The following CDH12 variants were observed in gnomAD, a reference collection of about 807,000 sequenced individuals.
CDH12 encodes cadherin-12.
Under a neutral mutation model 74.1 loss-of-function variants are expected in CDH12, and 41 were observed. The ratio of observed to expected loss-of-function variants is 0.55; its 90% CI spans 0.43 to 0.72. The LOEUF (loss-of-function observed/expected upper bound fraction) is 0.72, where lower values mean the gene tolerates loss of function less well. CDH12 is among the 30% of genes least tolerant of loss of function. CDH12 has a pLI of 0.00. For synonymous variants in CDH12, 399 were observed against 355.0 expected, an observed-to-expected ratio of 1.12 and a Z score of -1.39; for missense variants, 945 against 977.2, an observed-to-expected ratio of 0.97 and a Z score of 0.44.
intron 2 of CDH12, among the ~76,000 whole-genome samples, chr5:22,440,115 C>G (rs1744565390): frequency 6.6e-6 from 1 of 151,934 alleles, no homozygotes; most frequent in Non-Finnish European, 1.5e-5. Flanking sequence ...AGATGTGGTT[C>G]TTAACAATAA....
At chr5:22,184,399 G>A (rs939652060) in intron 4 of CDH12, among the ~76,000 whole-genome samples, 5 of 152,072 alleles carry the variant, frequency 3.3e-5, no homozygotes, top group African/African-American at 1.2e-4. Flanking sequence ...TTTCCCCTGA[G>A]GCAAAGTTAA....
chr5:21,792,302 C>T lies in CDH12; in HGVS notation c.1257-8808G>A, dbSNP rs988618462. 2.0e-5 allele frequency among the ~76,000 whole-genome samples: 3 copies of T among 151,844 alleles called. No homozygotes were observed. In the East Asian group the frequency reaches 5.8e-4, roughly 29 times the overall value. ...AGTTCCTACTTTCCTATCAATTTCTCTTTTTTCTTATCTTCCTCCTCATTT... is the reference window on the plus strand; with the variant it reads ...AGTTCCTACTTTCCTATCAATTTCTTTTTTTTCTTATCTTCCTCCTCATTT... On this transcript the variant is annotated intron_variant, in intron 10 of 14. Transcript: ENST00000382254.
At chr5:22,277,965 A>G (rs963538664) in intron 3 of CDH12, 1 of 152,246 alleles carries the variant, frequency 6.6e-6, no homozygotes, top group Admixed American at 6.5e-5. Context: ...GAAAACTTAG[A>G]GGAATGACCT....
chr5:22,450,818 G>A (rs535182317), intron 2 of CDH12, among the ~76,000 whole-genome samples: 1 of 150,824 alleles, frequency 6.6e-6, no homozygotes, highest in East Asian at 2.0e-4. Context: ...CTTACCACAA[G>A]TAGAGTTCCC....
intron 2 of CDH12, among the ~76,000 whole-genome samples, chr5:22,423,813 C>T (rs1343077077): frequency 7.9e-5 from 12 of 151,716 alleles, no homozygotes; most frequent in African/African-American, 2.9e-4. Flanking sequence ...ACCATCCTGG[C>T]TAACACGGTG....
intron 4 of CDH12, among the ~76,000 whole-genome samples, chr5:22,104,377 T>C (rs1744312145): frequency 6.6e-6 from 1 of 152,164 alleles, no homozygotes; most frequent in Non-Finnish European, 1.5e-5. Context: ...AAACAGTCTT[T>C]GTGAAGTATG....
intron 1 of CDH12, among the ~76,000 whole-genome samples, chr5:22,594,848 G>A (rs1402985900): frequency 2.0e-5 from 3 of 152,134 alleles, no homozygotes; most frequent in Non-Finnish European, 4.4e-5. Context: ...TTCACCAAAT[G>A]TTTCAGAAAT....
chr5:22,382,155 A>T (rs1400223795), intron 3 of CDH12, among the ~76,000 whole-genome samples: 1 of 145,636 alleles, frequency 6.9e-6, no homozygotes, highest in African/African-American at 2.5e-5. Context: ...TATTTATAAT[A>T]TATACTATTT....
intron 4 of CDH12, among the ~76,000 whole-genome samples, chr5:22,202,882 C>T (rs1751002684): frequency 6.6e-6 from 1 of 152,192 alleles, no homozygotes; most frequent in Non-Finnish European, 1.5e-5. Flanking sequence ...GACTTTCTCT[C>T]CCTTCAACTC....
chr5:22,095,261 T>C (rs1417542182), intron 4 of CDH12, among the ~76,000 whole-genome samples: 1 of 152,128 alleles, frequency 6.6e-6, no homozygotes, highest in East Asian at 1.9e-4. Flanking sequence ...CCTCAACCAC[T>C]TTCTCCTTTC....
chr5:21,810,600 T>C (rs1235774380), intron 9 of CDH12, among the ~76,000 whole-genome samples: 1 of 152,154 alleles, frequency 6.6e-6, no homozygotes, highest in Non-Finnish European at 1.5e-5. Context: ...TAGAATTGTC[T>C]ACAAGACTAG....
At chr5:22,183,201 T>C (rs1309918767) in intron 4 of CDH12, among the ~76,000 whole-genome samples, 8 of 149,472 alleles carry the variant, frequency 5.4e-5, no homozygotes, top group African/African-American at 1.5e-4. Flanking sequence ...CAGCAAGAAA[T>C]TTGGGAATAA....
intron 1 of CDH12, among the ~76,000 whole-genome samples, chr5:22,551,737 T>A (rs1445488479): frequency 6.7e-6 from 1 of 148,840 alleles, no homozygotes; most frequent in African/African-American, 2.5e-5. Context: ...AAAAAATAAA[T>A]AAACCAAAAA....
intron 1 of CDH12, among the ~76,000 whole-genome samples, chr5:22,692,436 T>G (rs1742131264): frequency 6.6e-6 from 1 of 152,190 alleles, no homozygotes; most frequent in Non-Finnish European, 1.5e-5. Context: ...AGGTAGGCCT[T>G]TTGTTTAATT....
chr5:22,631,336 A>G (rs1738573842), intron 1 of CDH12, among the ~76,000 whole-genome samples: 1 of 152,208 alleles, frequency 6.6e-6, no homozygotes, highest in Non-Finnish European at 1.5e-5. Flanking sequence ...ACATGCATGT[A>G]TATGCGTACT....
At chr5:21,840,993 C>A (rs1244143002) in intron 8 of CDH12, among the ~76,000 whole-genome samples, 2 of 151,672 alleles carry the variant, frequency 1.3e-5, no homozygotes, top group African/African-American at 4.8e-5. Context: ...CAACAAAAGC[C>A]AAAATTGACA....
chr5:22,633,217 TA>T (rs1309402683), intron 1 of CDH12, among the ~76,000 whole-genome samples: 1 of 152,146 alleles, frequency 6.6e-6, no homozygotes. Flanking sequence ...AATTTTAAAT[TA>T]AAAGTCACTG....
At chr5:21,949,320 G>T (rs1024607792) in intron 6 of CDH12, among the ~76,000 whole-genome samples, 7 of 151,748 alleles carry the variant, frequency 4.6e-5, no homozygotes, top group African/African-American at 1.7e-4. Flanking sequence ...CCTGGTGGGG[G>T]GCGCCTATAT....
At chr5:21,955,820 G>A (rs907166192) in intron 6 of CDH12, among the ~76,000 whole-genome samples, 4 of 152,014 alleles carry the variant, frequency 2.6e-5, no homozygotes, top group African/African-American at 9.7e-5. Context: ...CTCAAGAATT[G>A]AACATTTTTT....
Sources: allele counts gnomAD v4.1 joint callset (sites outside exome capture counted in the v4.1 genomes callset), GRCh38; gene constraint gnomAD v4.1.1; transcripts MANE v1.5; gene names NCBI Gene and HGNC (gene_info 2026-07-23, HGNC 2026-07-21).